Variants in STAT5B observed in about 807,000 individuals in gnomAD.
STAT5B encodes the protein transcription factor STAT5B.
In STAT5B, 21 loss-of-function variants were observed where a neutral mutation model predicts 107.8. The observed-to-expected ratio is 0.19, with a 90% CI of 0.14 to 0.28. STAT5B has a LOEUF of 0.28. Among genes scored for constraint, STAT5B ranks in the 10% least tolerant of loss-of-function variants. STAT5B has a pLI of 1.00. For missense variants in STAT5B, 565 were observed against 1,008.2 expected (o/e 0.56, Z 5.95); for synonymous variants, 325 against 401.7 (o/e 0.81, Z 2.28).
At position 42,207,519 on chromosome 17, in the gene STAT5B, ACACAC is replaced by A. The variant is rs753560051; in HGVS notation, c.2077+34_2077+38del. On this transcript the variant is annotated intron_variant, in intron 16 of 18. Coordinates refer to ENST00000293328, the MANE Select transcript of STAT5B (RefSeq NM_012448.4). ...CACACACACACACACACACACACACACACACAACAAAATCAAATCAGAATGCGAAC... is the reference window on the plus strand; with the variant it reads ...CACACACACACACACACACACACACAAACAAAATCAAATCAGAATGCGAAC... 1,974 of 1,590,278 alleles carry A rather than the reference ACACAC, an allele frequency of 1.2e-3. 18 individuals carry two copies. The African/African-American group carries it at 0.021, about 17-fold the overall frequency.
chr17:42,259,732 A>T (rs2080578128), intron 1 of STAT5B, among the ~76,000 whole-genome samples: 2 of 152,186 alleles, frequency 1.3e-5, no homozygotes, highest in Non-Finnish European at 2.9e-5. Flanking sequence ...GGCTTCAGTG[A>T]GCCAAGATCA....
intron 5 of STAT5B, among the ~76,000 whole-genome samples, chr17:42,222,134 C>CTG (rs77133316): frequency 1.2e-4 from 12 of 100,100 alleles, no homozygotes; most frequent in Non-Finnish European, 1.6e-4. Flanking sequence ...GGTGTGTGTG[C>CTG]TGTGTGTGTG....
At chr17:42,279,675 C>T (rs2080787647), upstream of STAT5B, among the ~76,000 whole-genome samples, 1 of 152,076 alleles carries the variant, frequency 6.6e-6, no homozygotes, top group South Asian at 2.1e-4. Context: ...GGATTACATG[C>T]CTGTAATCCC....
At chr17:42,202,733 A>T in intron 17 of STAT5B, 24 bp downstream of exon 17, 2 of 1,613,560 alleles carry the variant, frequency 1.2e-6, no homozygotes, top group Non-Finnish European at 1.7e-6. Context: ...GCAGAAGGAG[A>T]GCCACAGCCA....
Position 42,227,637 on chromosome 17 carries a change from C to T in STAT5B, c.177G>A (p.Gln59=), listed in dbSNP as rs1049785980. 5.0e-6 allele frequency: 8 copies of T among 1,613,972 alleles called. No homozygotes were observed. The African/African-American group carries it at 6.7e-5, about 13-fold the overall frequency. Residue 59 remains glutamine (Q), a synonymous_variant, in exon 3 of 19, where the codon CAG becomes CAA. Coordinates refer to ENST00000293328, the MANE Select transcript of STAT5B (RefSeq NM_012448.4). The stretch of plus-strand genomic sequence containing the variant: ...GCTCCTGCACCAGGCCCTCCAGGAG[C>T]TGGGTGGCCTTAATGTTCTCCTGTG... ...DNPQENIKAT[Q]LLEGLVQELQ...
intron 2 of STAT5B, among the ~76,000 whole-genome samples, chr17:42,229,446 G>A (rs1175801855): frequency 4.6e-5 from 7 of 151,424 alleles, no homozygotes; most frequent in South Asian, 2.1e-4. Flanking sequence ...CACCGTGCCC[G>A]GCCAGGAGCC....
rs1439311716 is a variant in STAT5B, at chr17:42,276,157, G to A, written c.-11+91C>T. 6.7e-6 allele frequency: 1 copy of A among 148,932 alleles called. No individual in the cohort carries two copies. Among genetic ancestry groups the A allele is most frequent in the Non-Finnish European group, 1.5e-5 (1 of 66,918 alleles). 9.2% of individuals were successfully genotyped at this position (148,932 alleles called of 1,614,324 possible). On this transcript the variant is annotated intron_variant, in intron 1 of 18. Transcript: ENST00000293328. The surrounding 1 kb of genome is among the most constrained non-coding windows in gnomAD (Gnocchi z 4.8). Reference sequence around the variant, plus strand: ...GGCGGCGGCGCGGCCCTGACGGGCGGCTGAGCGGCTGGAGCGCGGGCCCCG... The same window carrying A: ...GGCGGCGGCGCGGCCCTGACGGGCGACTGAGCGGCTGGAGCGCGGGCCCCG...
At chr17:42,279,828 G>A (rs975377938), upstream of STAT5B, among the ~76,000 whole-genome samples, 7 of 151,772 alleles carry the variant, frequency 4.6e-5, no homozygotes, top group African/African-American at 7.3e-5. Flanking sequence ...ATGTCCTGAA[G>A]GGTGGGTGGG....
intron 1 of STAT5B, among the ~76,000 whole-genome samples, chr17:42,263,312 C>T (rs1011933372): frequency 2.0e-5 from 3 of 151,694 alleles, no homozygotes; most frequent in African/African-American, 4.8e-5. Context: ...ATGATTTTAA[C>T]ATAGTTCAAC....
chr17:42,280,655 G>A (rs1567683144), upstream of STAT5B, among the ~76,000 whole-genome samples: 1 of 152,182 alleles, frequency 6.6e-6, no homozygotes, highest in African/African-American at 2.4e-5. Flanking sequence ...GCCATGTGGA[G>A]AAGGTATAGG....
At chr17:42,251,251 C>T (rs865793218) in intron 1 of STAT5B, among the ~76,000 whole-genome samples, 4 of 152,016 alleles carry the variant, frequency 2.6e-5, no homozygotes, top group Admixed American at 1.3e-4. Context: ...AGGAGAATAA[C>T]GAGAACTGTC....
chr17:42,212,073 C>T lies in STAT5B; in HGVS notation c.1591G>A (p.Val531Met), dbSNP rs142918872. The part of the protein sequence containing the change: ...SNRGLTKENL[V>M]FLAQKLFNNS... ...TTGAACAGTTTCTGCGCCAGGAACA[C>T]GAGGTTCTCCTTGGTCAGGCCCCGG... Residue 531 changes from valine (V) to methionine (M), a missense_variant, in exon 13 of 19, where the codon GTG becomes ATG. By Grantham distance (21) the Val-to-Met change is conservative (BLOSUM62 1). This residue lies in a region of STAT5B where 127 missense variants were observed against 215.8 expected (regional missense o/e 0.59). Coordinates refer to ENST00000293328, the MANE Select transcript of STAT5B (RefSeq NM_012448.4). 68 of 1,614,058 alleles carry T rather than the reference C, an allele frequency of 4.2e-5. No homozygotes were observed. In the East Asian group the frequency reaches 7.8e-4, roughly 19 times the overall value.
At chr17:42,280,373 C>A (rs972870285), upstream of STAT5B, among the ~76,000 whole-genome samples, 1 of 152,096 alleles carries the variant, frequency 6.6e-6, no homozygotes, top group Non-Finnish European at 1.5e-5. Flanking sequence ...TCAGAGGGGG[C>A]AGCTTCCCTG....
upstream of STAT5B, among the ~76,000 whole-genome samples, chr17:42,277,761 T>TC (rs1555555423): frequency 8.7e-5 from 13 of 149,968 alleles, no homozygotes; most frequent in African/African-American, 3.2e-4. Flanking sequence ...TTCTTTTCTT[T>TC]TTTTTTTTTT....
intron 13 of STAT5B, 133 bp downstream of exon 13, chr17:42,211,851 A>C: frequency 1.5e-6 from 2 of 1,355,168 alleles, no homozygotes; most frequent in Non-Finnish European, 2.1e-6. Flanking sequence ...TTGTCCATCT[A>C]GTCAGAAGCT....
intron 1 of STAT5B, among the ~76,000 whole-genome samples, chr17:42,273,009 T>C (rs1386012414): frequency 6.6e-6 from 1 of 152,204 alleles, no homozygotes; most frequent in East Asian, 1.9e-4. Context: ...AGGATCATCA[T>C]TAATAAAACA....
chr17:42,202,128 G>C, intron 18 of STAT5B: 1 of 657,200 alleles, frequency 1.5e-6, no homozygotes, highest in Non-Finnish European at 2.7e-6. Context: ...TATTGAGAGA[G>C]GGGAACAGAT....
rs200029980 is a variant in STAT5B, at chr17:42,263,009, TATATATAA to T, written c.-11+13231_-11+13238del. Among the ~76,000 whole-genome samples, 208 of 43,162 alleles carry T rather than the reference TATATATAA, an allele frequency of 4.8e-3. 4 individuals are homozygous for T. The highest frequency in any genetic ancestry group is 0.028 in the African/African-American group (161 of 5,788). 28.3% of individuals were successfully genotyped at this position (43,162 alleles called of 152,430 possible). A position where few individuals can be genotyped will look rare whatever the true frequency, so the allele number is the denominator to read the frequency against. On this transcript the variant is annotated intron_variant, in intron 1 of 18. Transcript: ENST00000293328. ...ATATATATATATATATATATATATA[TATATATAA>T]AAAAACAAAAACAATTTTTTTTTTT...
rs1411386541 is a variant in STAT5B, at chr17:42,219,551, C to T, written c.682-88G>A. 33 of 1,157,084 alleles carry T rather than the reference C, an allele frequency of 2.9e-5. 1 individual carries two copies. Among genetic ancestry groups the T allele is most frequent in the East Asian group, 7.8e-5 (3 of 38,470 alleles). The allele number at this position is 1,157,084 out of a possible 1,614,324, so 71.7% of individuals were successfully genotyped here. Reference sequence around the variant, plus strand: ...GGAAATGGCAGGGCAGGGCCCAGGCCGTTCCCTCTCCCCAAGCTGCTCTGC... The same window carrying T: ...GGAAATGGCAGGGCAGGGCCCAGGCTGTTCCCTCTCCCCAAGCTGCTCTGC... On this transcript the variant is annotated intron_variant, in intron 6 of 18. Coordinates refer to ENST00000293328, the MANE Select transcript of STAT5B (RefSeq NM_012448.4).
Sources: allele counts gnomAD v4.1 joint callset (sites outside exome capture counted in the v4.1 genomes callset), GRCh38; gene constraint gnomAD v4.1.1; regional missense constraint gnomAD v4.1.1; non-coding constraint Gnocchi (gnomAD v3.1); transcripts MANE v1.5; gene names NCBI Gene and HGNC (gene_info 2026-07-23, HGNC 2026-07-21).